GALNT9: variants seen among roughly 807,000 people sequenced by gnomAD.
The protein encoded by GALNT9 is GalNAc transferase 9.
In GALNT9, 47 loss-of-function variants were observed where a neutral mutation model predicts 63.1. That is an observed-to-expected ratio of 0.75 (90% CI 0.59 to 0.95). The LOEUF is 0.95. Among genes scored for constraint, GALNT9 ranks in the 40% least tolerant of loss-of-function variants. GALNT9 has a pLI of 0.00. For synonymous variants in GALNT9, 396 were observed against 365.7 expected (o/e 1.08, Z -0.94); for missense variants, 829 against 874.8 (o/e 0.95, Z 0.66).
At chr12:132,322,604 A>T (rs1868853223) in intron 1 of GALNT9, among the ~76,000 whole-genome samples, 1 of 152,116 alleles carries the variant, frequency 6.6e-6, no homozygotes, top group African/African-American at 2.4e-5. Flanking sequence ...TCACCCCTTC[A>T]CAGTTTGCCC....
At chr12:132,250,565 A>C (rs1300981834) in intron 5 of GALNT9, among the ~76,000 whole-genome samples, 2 of 152,232 alleles carry the variant, frequency 1.3e-5, no homozygotes, top group African/African-American at 4.8e-5. Context: ...CAAGGCAGGC[A>C]GATCACCTGA....
rs868924224 is a variant in GALNT9 at position 132,303,934 on chromosome 12, C to A, written c.239-17504G>T. Among the ~76,000 whole-genome samples, 151 of 45,956 alleles carry A rather than the reference C, an allele frequency of 3.3e-3. 17 individuals carry two copies. Among genetic ancestry groups the A allele is most frequent in the Non-Finnish European group, 4.8e-3 (114 of 23,638 alleles). 30.1% of individuals were successfully genotyped at this position (45,956 alleles called of 152,430 possible). A position where few individuals can be genotyped will look rare whatever the true frequency, so the allele number is the denominator to read the frequency against. On this transcript the variant is annotated intron_variant, in intron 1 of 10. Coordinates refer to ENST00000328957, the MANE Select transcript of GALNT9 (RefSeq NM_001122636.2). Reference sequence around the variant, plus strand: ...CCAGACACAGCCTCGCCCAGACACACCCTCGCCCGGGCACACCCTCACCTG... The same window carrying A: ...CCAGACACAGCCTCGCCCAGACACAACCTCGCCCGGGCACACCCTCACCTG...
chr12:132,205,979 G>C (rs1021043895), intron 6 of GALNT9: 1 of 152,310 alleles, frequency 6.6e-6, no homozygotes, highest in Non-Finnish European at 1.5e-5. Flanking sequence ...CTGCAGGGGC[G>C]GGACAGAGCC....
chr12:132,229,848 G>A (rs1470523161), intron 6 of GALNT9, among the ~76,000 whole-genome samples: 1 of 152,228 alleles, frequency 6.6e-6, no homozygotes, highest in Non-Finnish European at 1.5e-5. Flanking sequence ...AGGAAGCCGG[G>A]GCTGTGAGAA....
At chr12:132,313,255 A>G (rs1593121574) in intron 1 of GALNT9, among the ~76,000 whole-genome samples, 1 of 136,942 alleles carries the variant, frequency 7.3e-6, no homozygotes, top group East Asian at 2.3e-4. Flanking sequence ...CCATCCATCC[A>G]TCCATCCACC....
chr12:132,205,138 G>A (rs1565985189), intron 6 of GALNT9, among the ~76,000 whole-genome samples: 1 of 152,044 alleles, frequency 6.6e-6, no homozygotes, highest in African/African-American at 2.4e-5. Context: ...TCTCCAGGCC[G>A]TTATCTTAAT....
At chr12:132,304,870 C>A (rs1232725099) in intron 1 of GALNT9, among the ~76,000 whole-genome samples, 1 of 46,270 alleles carries the variant, frequency 2.2e-5, no homozygotes, top group Non-Finnish European at 3.8e-5. Context: ...CAGAATCGCC[C>A]AGACACACCC....
chr12:132,229,989 C>G (rs901200230), intron 6 of GALNT9, among the ~76,000 whole-genome samples: 2 of 152,294 alleles, frequency 1.3e-5, no homozygotes, highest in Admixed American at 1.3e-4. Flanking sequence ...ATTCCCGGAC[C>G]CTTCTGCCAG....
chr12:132,213,419 C>T (rs1877046017), intron 6 of GALNT9, among the ~76,000 whole-genome samples: 1 of 152,140 alleles, frequency 6.6e-6, no homozygotes, highest in Non-Finnish European at 1.5e-5. Context: ...ACGTGTGCAA[C>T]ATAATCACTC....
At chr12:132,218,189 CTCTG>C (rs1360450834) in intron 6 of GALNT9, among the ~76,000 whole-genome samples, 2 of 152,226 alleles carry the variant, frequency 1.3e-5, no homozygotes, top group Non-Finnish European at 2.9e-5. Context: ...ACCAGCATGA[CTCTG>C]TCTGGGCGCT....
rs1237878426 is a variant in GALNT9 at position 132,316,228 on chromosome 12, G to T, written c.238+12738C>A. On this transcript the variant is annotated intron_variant, in intron 1 of 10. Transcript: ENST00000328957. This position sits in a 1 kb window ranked among gnomAD's most constrained non-coding sequence, Gnocchi z 4.3. The stretch of plus-strand genomic sequence containing the variant: ...GAGGCATGAAGCTGGATCACAGTCA[G>T]TGCCTGCCCCGGGCCCCGACCTGCA... 1.3e-5 allele frequency among the ~76,000 whole-genome samples: 2 copies of T among 152,064 alleles called. No homozygotes were observed. Among genetic ancestry groups the T allele is most frequent in the Non-Finnish European group, 2.9e-5 (2 of 68,004 alleles).
At chr12:132,239,363 GAGAGAC>G (rs1845877655) in intron 6 of GALNT9, among the ~76,000 whole-genome samples, 1 of 149,568 alleles carries the variant, frequency 6.7e-6, no homozygotes, top group Non-Finnish European at 1.5e-5. Context: ...GAGACAGAGA[GAGAGAC>G]ACACAGAGAC....
chr12:132,208,881 A>T (rs1876834412), intron 6 of GALNT9, among the ~76,000 whole-genome samples: 1 of 152,234 alleles, frequency 6.6e-6, no homozygotes, highest in Admixed American at 6.5e-5. Flanking sequence ...TGCATGCAGC[A>T]CATAGTACCA....
At chr12:132,291,104 TAGCACCCACATCCAC>T (rs1442785597) in intron 1 of GALNT9, among the ~76,000 whole-genome samples, 9 of 4,680 alleles carry the variant, frequency 1.9e-3, no homozygotes, top group Non-Finnish European at 3.0e-3. Context: ...CCCACGTCCA[TAGCACCCACATCCAC>T]AGCACCCACA....
At chr12:132,216,292 C>CAG in intron 6 of GALNT9, among the ~76,000 whole-genome samples, 1 of 152,298 alleles carries the variant, frequency 6.6e-6, no homozygotes, top group African/African-American at 2.4e-5. Context: ...CAGAGGAAGA[C>CAG]AGAGAGACAG....
chr12:132,282,132 G>A lies in GALNT9; in HGVS notation c.419+4118C>T, dbSNP rs1343025599. ...CACTACAGCAAGGCCAGGCCTGGGGGTCCCCGATCCCACAGAGGAGGAATC... is the reference window on the plus strand; with the variant it reads ...CACTACAGCAAGGCCAGGCCTGGGGATCCCCGATCCCACAGAGGAGGAATC... On this transcript the variant is annotated intron_variant, in intron 2 of 10. Coordinates refer to ENST00000328957, the MANE Select transcript of GALNT9 (RefSeq NM_001122636.2). The surrounding 1 kb of genome is among the most constrained non-coding windows in gnomAD (Gnocchi z 4.5). Among the ~76,000 whole-genome samples, 32 of 136,794 alleles carry A rather than the reference G, an allele frequency of 2.3e-4. No individual in the cohort carries two copies. The highest frequency in any genetic ancestry group is 9.3e-4 in the African/African-American group (30 of 32,182). The allele number at this position is 136,794 out of a possible 152,430, so 89.7% of individuals were successfully genotyped here.
At chr12:132,208,479 C>A (rs1279957447) in intron 6 of GALNT9, among the ~76,000 whole-genome samples, 1 of 152,260 alleles carries the variant, frequency 6.6e-6, no homozygotes, top group Non-Finnish European at 1.5e-5. Context: ...CTTGGACCAA[C>A]AGAAAGGGCC....
rs1004824517 is a variant in GALNT9 at position 132,236,371 on chromosome 12, G to C, written c.1077+11539C>G. Reference sequence around the variant, plus strand: ...TGTGGGGGCTGCGGGCTCCAGGCCTGGTGTCTCTGGAGGGGGCCTCGGAAC... The same window carrying C: ...TGTGGGGGCTGCGGGCTCCAGGCCTCGTGTCTCTGGAGGGGGCCTCGGAAC... On this transcript the variant is annotated intron_variant, in intron 6 of 10. Coordinates refer to ENST00000328957, the MANE Select transcript of GALNT9 (RefSeq NM_001122636.2). The surrounding 1 kb of genome is among the most constrained non-coding windows in gnomAD (Gnocchi z 5.6). 1.3e-5 allele frequency among the ~76,000 whole-genome samples: 2 copies of C among 152,076 alleles called. No homozygotes were observed. The highest frequency in any genetic ancestry group is 2.9e-5 in the Non-Finnish European group (2 of 67,996).
rs1869070964 is a variant in GALNT9 at position 132,327,165 on chromosome 12, T to C, written c.238+1801A>G. 1.3e-5 allele frequency among the ~76,000 whole-genome samples: 2 copies of C among 148,788 alleles called. No homozygotes were observed. Among genetic ancestry groups the C allele is most frequent in the South Asian group, 4.3e-4 (2 of 4,630 alleles). On this transcript the variant is annotated intron_variant, in intron 1 of 10. Coordinates refer to ENST00000328957, the MANE Select transcript of GALNT9 (RefSeq NM_001122636.2). This position sits in a 1 kb window ranked among gnomAD's most constrained non-coding sequence, Gnocchi z 4.3. ...GGCTGACAAGGGAGGACAGCTAGGA[T>C]GAAGGAAAGAAGGAGAAACAATTTT...
Sources: allele counts gnomAD v4.1 joint callset (sites outside exome capture counted in the v4.1 genomes callset), GRCh38; gene constraint gnomAD v4.1.1; non-coding constraint Gnocchi (gnomAD v3.1); transcripts MANE v1.5; gene names NCBI Gene and HGNC (gene_info 2026-07-23, HGNC 2026-07-21).